The following GABRB1 variants were observed in gnomAD, a reference collection of about 807,000 sequenced individuals.
GABRB1 encodes gamma-aminobutyric acid type A receptor subunit beta1.
Under a neutral mutation model 51.6 loss-of-function variants are expected in GABRB1, and 17 were observed. That is an observed-to-expected ratio of 0.33 (90% CI 0.23 to 0.49). The LOEUF is 0.49. Ranked by LOEUF, GABRB1 falls within the 20% of genes least tolerant of loss-of-function variation. GABRB1 has a pLI of 0.99. For synonymous variants in GABRB1, 247 were observed against 218.9 expected, an observed-to-expected ratio of 1.13 and a Z score of -1.14; for missense variants, 410 against 600.6, an observed-to-expected ratio of 0.68 and a Z score of 3.32.
At chr4:47,411,401 G>T (rs538254195) in intron 8 of GABRB1, among the ~76,000 whole-genome samples, 1 of 152,100 alleles carries the variant, frequency 6.6e-6, no homozygotes, top group African/African-American at 2.4e-5. Flanking sequence ...GTATTAAAAG[G>T]TTATAATACT....
chr4:47,119,026 G>C lies in GABRB1; in HGVS notation c.241-42223G>C, dbSNP rs1051813671. Among the ~76,000 whole-genome samples the C allele has an allele frequency of 3.4e-4, 51 of 152,222 alleles. 1 individual carries two copies. The highest frequency in any genetic ancestry group is 1.2e-4 in the Non-Finnish European group (8 of 67,992). On this transcript the variant is annotated intron_variant, in intron 3 of 8. Transcript: ENST00000295454. ...GCAAGCTGTACATGCATATGAAAAT[G>C]TACTCTACCAGATTTTGAAACTTAT... is the stretch of plus-strand genomic sequence containing the variant.
In GABRB1 at chr4:47,323,650, G is replaced by A. The variant is rs372399035; in HGVS notation, c.544+3441G>A. Among the ~76,000 whole-genome samples, 19 of 152,264 alleles carry A rather than the reference G, an allele frequency of 1.2e-4. No homozygotes were observed. In the East Asian group the frequency reaches 3.1e-3, roughly 25 times the overall value. ...TGATGTAAGATTGAACCAATCGTAC[G>A]TTTGTGACCAACAGAGTGGAAACTT... On this transcript the variant is annotated intron_variant, in intron 5 of 8. Transcript: ENST00000295454.
At chr4:47,421,733 A>G (rs188865023) in intron 8 of GABRB1, among the ~76,000 whole-genome samples, 181 of 152,184 alleles carry the variant, frequency 1.2e-3, no homozygotes, top group African/African-American at 4.1e-3. Context: ...GTGACCCCCA[A>G]TGATTTCTCA....
chr4:47,071,994 A>G (rs1256681189), intron 3 of GABRB1, among the ~76,000 whole-genome samples: 2 of 151,712 alleles, frequency 1.3e-5, no homozygotes, highest in East Asian at 3.9e-4. Context: ...CAACTCTATG[A>G]TTTACAGAGG....
intron 1 of GABRB1, among the ~76,000 whole-genome samples, chr4:47,002,201 T>C (rs1178912830): frequency 6.6e-6 from 1 of 152,198 alleles, no homozygotes; most frequent in Non-Finnish European, 1.5e-5. Flanking sequence ...GTAAAACACA[T>C]TTTAAAACTC....
chr4:47,330,420 G>C (rs1207515040), intron 5 of GABRB1, among the ~76,000 whole-genome samples: 2 of 152,116 alleles, frequency 1.3e-5, no homozygotes, highest in African/African-American at 4.8e-5. Context: ...TTCTTAAGTA[G>C]CGATATGTGG....
rs192811060 is a variant in GABRB1, at chr4:47,241,174, A to T, written c.462-78953A>T. ...TCCAGTAAAAAAAATAAAACCTGAA[A>T]ATCTGTCTACAATGATTTCTTGTGG... is the stretch of plus-strand genomic sequence containing the variant. On this transcript the variant is annotated intron_variant, in intron 4 of 8. Coordinates refer to ENST00000295454, the MANE Select transcript of GABRB1 (RefSeq NM_000812.4). Among the ~76,000 whole-genome samples the T allele has an allele frequency of 9.5e-4, 145 of 152,324 alleles. 2 individuals carry two copies. In the Middle Eastern group the frequency reaches 0.014, roughly 14 times the overall value.
At chr4:47,363,803 A>T (rs543056978) in intron 5 of GABRB1, among the ~76,000 whole-genome samples, 3 of 152,266 alleles carry the variant, frequency 2.0e-5, no homozygotes, top group African/African-American at 7.2e-5. Flanking sequence ...CAGTCATGGT[A>T]CTTAGAGCAT....
chr4:47,314,861 AATC>A (rs892822319), intron 4 of GABRB1, among the ~76,000 whole-genome samples: 8 of 151,924 alleles, frequency 5.3e-5, no homozygotes, highest in Admixed American at 5.3e-4. Context: ...TGCTTTAGAA[AATC>A]ATGTGTGGGG....
intron 4 of GABRB1, among the ~76,000 whole-genome samples, chr4:47,251,558 C>T (rs1237884551): frequency 6.6e-6 from 1 of 152,000 alleles, no homozygotes; most frequent in African/African-American, 2.4e-5. Flanking sequence ...TAGGGAAGGA[C>T]CATCAGGTGT....
chr4:47,154,729 G>A (rs138470506), intron 3 of GABRB1, among the ~76,000 whole-genome samples: 90 of 152,158 alleles, frequency 5.9e-4, no homozygotes, highest in African/African-American at 2.1e-3. Context: ...AGCACTGAAC[G>A]TGTTCAGACC....
At chr4:47,357,849 A>ACTCCT (rs1446105847) in intron 5 of GABRB1, among the ~76,000 whole-genome samples, 2 of 152,020 alleles carry the variant, frequency 1.3e-5, no homozygotes, top group East Asian at 3.9e-4. Context: ...CTTTTAATCA[A>ACTCCT]CTCCTTTCTA....
intron 1 of GABRB1, among the ~76,000 whole-genome samples, chr4:47,021,340 A>G (rs956616507): frequency 3.3e-5 from 5 of 152,138 alleles, no homozygotes; most frequent in African/African-American, 1.2e-4. Flanking sequence ...AAAAAAGGTT[A>G]TTTTCCTCAG....
At chr4:47,241,720 C>G (rs7666487) in intron 4 of GABRB1, among the ~76,000 whole-genome samples, 56,742 of 151,906 alleles carry the variant, frequency 0.37, 11,235 homozygotes, top group African/African-American at 0.48. Flanking sequence ...GAATGTGAAT[C>G]ATGAAGACAT....
chr4:47,380,770 G>A (rs934676360), intron 5 of GABRB1, among the ~76,000 whole-genome samples: 1 of 152,122 alleles, frequency 6.6e-6, no homozygotes, highest in African/African-American at 2.4e-5. Context: ...AATGAAGATT[G>A]GGAATGAGGC....
chr4:47,214,902 A>G (rs1242779686), intron 4 of GABRB1, among the ~76,000 whole-genome samples: 1 of 152,200 alleles, frequency 6.6e-6, no homozygotes, highest in Admixed American at 6.6e-5. Flanking sequence ...CTAGCTAGGT[A>G]TATGACAGCC....
rs117628885 is a variant in GABRB1 at position 47,182,442 on chromosome 4, T to C, written c.461+20973T>C. 1.4e-3 allele frequency among the ~76,000 whole-genome samples: 217 copies of C among 152,116 alleles called. 6 individuals carry two copies. In the East Asian group the frequency reaches 0.038, roughly 27 times the overall value. The stretch of plus-strand genomic sequence containing the variant: ...CCATGAGAATCTCATGTTTACCAAG[T>C]GGTAGATCTTCCTTGATATTTAGAA... On this transcript the variant is annotated intron_variant, in intron 4 of 8. Transcript: ENST00000295454.
chr4:47,021,024 A>G (rs1724915650), intron 1 of GABRB1, among the ~76,000 whole-genome samples: 1 of 152,176 alleles, frequency 6.6e-6, no homozygotes, highest in East Asian at 1.9e-4. Flanking sequence ...GGCTCAATCC[A>G]TTGCTAACTG....
intron 5 of GABRB1, among the ~76,000 whole-genome samples, chr4:47,327,493 T>G (rs1030967526): frequency 6.6e-6 from 1 of 152,202 alleles, no homozygotes; most frequent in East Asian, 1.9e-4. Context: ...TATGAATTTT[T>G]TTGTTGTTGT....
Sources: gnomAD v4.1 joint callset for allele counts (sites outside exome capture counted in the v4.1 genomes callset) on GRCh38, gnomAD v4.1.1 for gene constraint, MANE v1.5 for transcripts, NCBI Gene and HGNC (gene_info 2026-07-23, HGNC 2026-07-21) for gene names.